The following MYO3B variants were observed in gnomAD, a reference collection of about 807,000 sequenced individuals.
MYO3B encodes the protein myosin-IIIb.
MYO3B carries 156 observed loss-of-function variants against 174.6 expected under a neutral mutation model. The observed-to-expected ratio is 0.89, with a 90% CI of 0.78 to 1.02. MYO3B has a LOEUF of 1.02. Among genes scored for constraint, MYO3B ranks in the 50% least tolerant of loss-of-function variants. The pLI, the probability that MYO3B is intolerant of heterozygous loss-of-function variation, is 0.00. For missense variants in MYO3B, 1,632 were observed against 1,639.4 expected (o/e 1.00, Z 0.08); for synonymous variants, 563 against 569.1 (o/e 0.99, Z 0.15).
At position 170,327,244 on chromosome 2, in the gene MYO3B, G is replaced by A. The variant is rs149473080; in HGVS notation, c.750-8141G>A. Among the ~76,000 whole-genome samples the A allele has an allele frequency of 7.6e-3, 1,158 of 152,308 alleles. 20 individuals are homozygous for A. Among genetic ancestry groups the A allele is most frequent in the African/African-American group, 0.027 (1,110 of 41,566 alleles). On this transcript the variant is annotated intron_variant, in intron 7 of 34. Transcript: ENST00000408978. ...TACTAAAAATACAAAAATTAGCTGGGTGTGATGGCACATGCCTGTATTCCC... is the reference window on the plus strand; with the variant it reads ...TACTAAAAATACAAAAATTAGCTGGATGTGATGGCACATGCCTGTATTCCC...
chr2:170,297,639 C>T (rs975702647), intron 7 of MYO3B, among the ~76,000 whole-genome samples: 19 of 152,198 alleles, frequency 1.2e-4, no homozygotes, highest in East Asian at 5.8e-4. Context: ...AGCTTAAACT[C>T]GTTCTTTTAT....
chr2:170,289,594 T>C (rs990005564), intron 7 of MYO3B, among the ~76,000 whole-genome samples: 5 of 152,066 alleles, frequency 3.3e-5, no homozygotes, highest in Admixed American at 3.3e-4. Context: ...TTGGGTATTC[T>C]CTCTTTTTTC....
intron 12 of MYO3B, 132 bp downstream of exon 12, chr2:170,383,946 A>G (rs983181771): frequency 1.2e-5 from 8 of 680,218 alleles, no homozygotes; most frequent in African/African-American, 1.1e-4. Context: ...CAGGAGATGA[A>G]GTGGCAGCTC....
At chr2:170,509,576 T>C (rs1687851264) in intron 28 of MYO3B, among the ~76,000 whole-genome samples, 1 of 152,228 alleles carries the variant, frequency 6.6e-6, no homozygotes, top group Non-Finnish European at 1.5e-5. Context: ...TTTTGTTTTT[T>C]GTGAAGAGCT....
chr2:170,518,099 T>C (rs553707779), intron 29 of MYO3B, among the ~76,000 whole-genome samples: 3 of 152,280 alleles, frequency 2.0e-5, no homozygotes, highest in Admixed American at 2.0e-4. Flanking sequence ...CAAATCTTTC[T>C]ATCCATTACC....
intron 32 of MYO3B, among the ~76,000 whole-genome samples, chr2:170,631,472 C>T (rs1696971557): frequency 6.6e-6 from 1 of 152,020 alleles, no homozygotes; most frequent in African/African-American, 2.4e-5. Context: ...CTGGAAAACC[C>T]TCTTCAGGAT....
chr2:170,630,459 C>A (rs1042714646), intron 32 of MYO3B, among the ~76,000 whole-genome samples: 8 of 152,170 alleles, frequency 5.3e-5, no homozygotes, highest in African/African-American at 1.9e-4. Flanking sequence ...GTAGACTCCA[C>A]CTCTGGAGGC....
chr2:170,288,751 G>C (rs1239904284), intron 7 of MYO3B, among the ~76,000 whole-genome samples: 1 of 151,860 alleles, frequency 6.6e-6, no homozygotes, highest in Non-Finnish European at 1.5e-5. Context: ...TTCCAGTGTT[G>C]TATTGAATAA....
chr2:170,208,552 C>T (rs1198976318), intron 3 of MYO3B, among the ~76,000 whole-genome samples: 1 of 152,200 alleles, frequency 6.6e-6, no homozygotes, highest in Non-Finnish European at 1.5e-5. Context: ...TTTTACATCA[C>T]CTATCCCTTT....
chr2:170,450,345 A>G (rs1422218093), intron 23 of MYO3B, among the ~76,000 whole-genome samples: 1 of 152,238 alleles, frequency 6.6e-6, no homozygotes, highest in African/African-American at 2.4e-5. Context: ...TTATAATTTA[A>G]TTTTGGAAAG....
At chr2:170,250,981 G>T (rs760872934) in intron 7 of MYO3B, among the ~76,000 whole-genome samples, 34 of 151,802 alleles carry the variant, frequency 2.2e-4, no homozygotes, top group Non-Finnish European at 4.7e-4. Flanking sequence ...ACAGTTGAGG[G>T]GGTGTGATGG....
chr2:170,643,816 A>C (rs1380015589), intron 32 of MYO3B: 1 of 152,222 alleles, frequency 6.6e-6, no homozygotes, highest in Non-Finnish European at 1.5e-5. Context: ...CCCATTCCTC[A>C]GGAGCCAAGA....
In MYO3B at chr2:170,614,445, C is replaced by T. The variant is rs114578574; in HGVS notation, c.3734-37183C>T. Among the ~76,000 whole-genome samples, 257 of 152,248 alleles carry T rather than the reference C, an allele frequency of 1.7e-3. 1 individual carries two copies. The highest frequency in any genetic ancestry group is 5.4e-3 in the African/African-American group (225 of 41,524). On this transcript the variant is annotated intron_variant, in intron 32 of 34. Transcript: ENST00000408978. ...AGGTAGGAACTCCCTTTACTTCCTA[C>T]TGGGATTTCCAAATGTTAAATCCAG...
chr2:170,298,491 A>G (rs1368364924), intron 7 of MYO3B, among the ~76,000 whole-genome samples: 6 of 152,042 alleles, frequency 3.9e-5, no homozygotes, highest in Non-Finnish European at 1.5e-5. Flanking sequence ...CCTGGCCAAG[A>G]TGGTGAAACC....
At chr2:170,330,660 A>G (rs1241238941) in intron 7 of MYO3B, among the ~76,000 whole-genome samples, 1 of 152,190 alleles carries the variant, frequency 6.6e-6, no homozygotes, top group African/African-American at 2.4e-5. Flanking sequence ...AATGGTTGTG[A>G]CATCAGCTAA....
chr2:170,560,317 G>A (rs1162177068), intron 32 of MYO3B, among the ~76,000 whole-genome samples: 1 of 152,146 alleles, frequency 6.6e-6, no homozygotes, highest in Non-Finnish European at 1.5e-5. Context: ...TGTGTAATGG[G>A]AGGGAGTTGT....
chr2:170,645,729 G>C (rs540319826), intron 32 of MYO3B, among the ~76,000 whole-genome samples: 2 of 152,172 alleles, frequency 1.3e-5, no homozygotes, highest in Admixed American at 1.3e-4. Flanking sequence ...TGATTTTTTA[G>C]TATTTAAATT....
chr2:170,358,615 AT>A (rs2094139760), intron 8 of MYO3B, among the ~76,000 whole-genome samples: 1 of 152,220 alleles, frequency 6.6e-6, no homozygotes, highest in African/African-American at 2.4e-5. Context: ...TATTATAAGA[AT>A]TATTAGCAAT....
At chr2:170,401,802 C>CTTTTTTTTTT (rs769531863) in intron 18 of MYO3B, 111 bp downstream of exon 18, 27 of 699,506 alleles carry the variant, frequency 3.9e-5, no homozygotes, top group Middle Eastern at 4.2e-4. Context: ...CTTTCTTTTT[C>CTTTTTTTTTT]TTTTTTTTTT....
Sources: gnomAD v4.1 joint callset for allele counts (sites outside exome capture counted in the v4.1 genomes callset) on GRCh38, gnomAD v4.1.1 for gene constraint, MANE v1.5 for transcripts, NCBI Gene and HGNC (gene_info 2026-07-23, HGNC 2026-07-21) for gene names.